The following DAB1 variants were observed in gnomAD, a reference collection of about 807,000 sequenced individuals.
DAB1 encodes the protein DAB adaptor protein 1.
DAB1 carries 15 observed loss-of-function variants against 64.6 expected under a neutral mutation model. That is an observed-to-expected ratio of 0.23 (90% CI 0.16 to 0.36). DAB1 has a LOEUF of 0.36. Among genes scored for constraint, DAB1 ranks in the 10% least tolerant of loss-of-function variants. The pLI, the probability that DAB1 is intolerant of heterozygous loss-of-function variation, is 1.00. For synonymous variants in DAB1, 235 were observed against 251.9 expected (o/e 0.93, Z 0.64); for missense variants, 596 against 706.7 (o/e 0.84, Z 1.78).
chr1:57,531,565 G>A (rs1644664112), intron 7 of DAB1, among the ~76,000 whole-genome samples: 1 of 152,154 alleles, frequency 6.6e-6, no homozygotes, highest in Admixed American at 6.6e-5. Context: ...ACACAAGAGG[G>A]ATGAAATATA....
chr1:57,957,959 A>C (rs1345832391), intron 5 of DAB1, among the ~76,000 whole-genome samples: 4 of 151,964 alleles, frequency 2.6e-5, no homozygotes, highest in African/African-American at 7.2e-5. Context: ...AGTGACTGTA[A>C]GTTGTTGAAA....
At chr1:58,319,487 A>G (rs555650834) in intron 4 of DAB1, among the ~76,000 whole-genome samples, 3 of 152,164 alleles carry the variant, frequency 2.0e-5, no homozygotes, top group Admixed American at 6.5e-5. Context: ...GAGGACCCCA[A>G]ACATTCTCAG....
intron 7 of DAB1, among the ~76,000 whole-genome samples, chr1:57,608,260 C>A (rs377054699): frequency 2.0e-5 from 3 of 151,980 alleles, no homozygotes; most frequent in South Asian, 2.1e-4. Flanking sequence ...CACAATGTAA[C>A]CTCTCTGGGT....
chr1:57,561,413 C>A, intron 7 of DAB1, among the ~76,000 whole-genome samples: 1 of 152,194 alleles, frequency 6.6e-6, no homozygotes, highest in East Asian at 1.9e-4. Flanking sequence ...TATACTGATT[C>A]ATGGGCTGTA....
chr1:57,064,122 T>C (rs1052558576), intron 8 of DAB1, among the ~76,000 whole-genome samples: 3 of 152,258 alleles, frequency 2.0e-5, no homozygotes, highest in African/African-American at 7.2e-5. Context: ...CTTTTGGGCT[T>C]GAGCTAGCTA....
intron 4 of DAB1, among the ~76,000 whole-genome samples, chr1:58,321,442 C>T (rs148674497): frequency 0.01 from 1,579 of 152,290 alleles, 34 homozygotes; most frequent in African/African-American, 0.037. Flanking sequence ...GAGGGCAAGC[C>T]GAAGCAGGGC....
chr1:58,490,155 G>A (rs1215928475), intron 3 of DAB1, among the ~76,000 whole-genome samples: 1 of 152,138 alleles, frequency 6.6e-6, no homozygotes, highest in Admixed American at 6.5e-5. Flanking sequence ...AGCTAAAGGA[G>A]GAAGTTCGAA....
At chr1:57,793,731 T>G (rs905504765) in intron 6 of DAB1, among the ~76,000 whole-genome samples, 11 of 152,238 alleles carry the variant, frequency 7.2e-5, no homozygotes, top group Non-Finnish European at 1.0e-4. Flanking sequence ...CTTCCATTTT[T>G]GTAAAACAAG....
chr1:58,292,527 A>C (rs937276231), intron 4 of DAB1, among the ~76,000 whole-genome samples: 1 of 152,192 alleles, frequency 6.6e-6, no homozygotes, highest in Non-Finnish European at 1.5e-5. Context: ...CAATGTGTTC[A>C]TATCTAGTGA....
At chr1:58,477,875 A>G (rs1480417768) in intron 3 of DAB1, among the ~76,000 whole-genome samples, 1 of 152,134 alleles carries the variant, frequency 6.6e-6, no homozygotes, top group Admixed American at 6.5e-5. Flanking sequence ...AAGTAAAAAA[A>G]CCTTAAGAAA....
chr1:56,999,128 T>TA (rs11432250), intron 14 of DAB1, among the ~76,000 whole-genome samples: 48,806 of 152,064 alleles, frequency 0.32, 9,618 homozygotes, highest in African/African-American at 0.54. Flanking sequence ...ATTATTTGCT[T>TA]TTTTCTTGAA....
intron 4 of DAB1, among the ~76,000 whole-genome samples, chr1:58,171,374 G>A (rs1299081296): frequency 6.6e-6 from 1 of 152,184 alleles, no homozygotes; most frequent in Admixed American, 6.5e-5. Flanking sequence ...AAAAGCTCAA[G>A]GCTTAGTAAG....
chr1:57,674,122 G>A (rs1485182172), intron 6 of DAB1, among the ~76,000 whole-genome samples: 3 of 152,186 alleles, frequency 2.0e-5, no homozygotes, highest in Admixed American at 1.3e-4. Flanking sequence ...AATTATGTGT[G>A]TGTTGGGGGT....
chr1:58,250,577 C>T (rs1290051363), intron 4 of DAB1, among the ~76,000 whole-genome samples: 2 of 152,220 alleles, frequency 1.3e-5, no homozygotes, highest in Non-Finnish European at 2.9e-5. Flanking sequence ...GGGAGCCCCT[C>T]AGCATTTCGC....
At chr1:58,252,160 C>G (rs988306777) in intron 4 of DAB1, among the ~76,000 whole-genome samples, 2 of 152,214 alleles carry the variant, frequency 1.3e-5, no homozygotes, top group African/African-American at 4.8e-5. Flanking sequence ...TTCAACATTT[C>G]TCTACTTTCA....
intron 11 of DAB1, among the ~76,000 whole-genome samples, chr1:57,020,274 T>C (rs984824070): frequency 6.6e-6 from 1 of 152,220 alleles, no homozygotes; most frequent in East Asian, 1.9e-4. Context: ...GAATAGCAGA[T>C]CCAAGGCTCC....
intron 1 of DAB1, among the ~76,000 whole-genome samples, chr1:57,398,313 G>A (rs1392521656): frequency 6.6e-6 from 1 of 152,146 alleles, no homozygotes; most frequent in Non-Finnish European, 1.5e-5. Context: ...AGCACAGAGG[G>A]AGAGCCATTC....
chr1:57,150,554 TA>T (rs1297139676), intron 2 of DAB1, among the ~76,000 whole-genome samples: 1 of 152,190 alleles, frequency 6.6e-6, no homozygotes, highest in Non-Finnish European at 1.5e-5. Context: ...AGGCGTCATA[TA>T]CAATTTCTCC....
chr1:57,340,244 C>A (rs1677461814), intron 1 of DAB1, among the ~76,000 whole-genome samples: 1 of 152,178 alleles, frequency 6.6e-6, no homozygotes, highest in Non-Finnish European at 1.5e-5. Flanking sequence ...ATGCAGATCA[C>A]TGAACTCTGG....
Sources: allele counts gnomAD v4.1 joint callset (sites outside exome capture counted in the v4.1 genomes callset), GRCh38; gene constraint gnomAD v4.1.1; transcripts MANE v1.5; gene names NCBI Gene and HGNC (gene_info 2026-07-23, HGNC 2026-07-21).